NAA16: variants seen among roughly 807,000 people sequenced by gnomAD.
NAA16 encodes the protein NARG1-like protein.
Under a neutral mutation model 110.3 loss-of-function variants are expected in NAA16, and 97 were observed. The observed-to-expected ratio is 0.88, with a 90% CI of 0.75 to 1.04. The LOEUF (loss-of-function observed/expected upper bound fraction) is 1.04, where lower values mean the gene tolerates loss of function less well. NAA16 is among the 50% of genes least tolerant of loss of function. The pLI, the probability that NAA16 is intolerant of heterozygous loss-of-function variation, is 0.00. For synonymous variants in NAA16, 372 were observed against 330.6 expected (o/e 1.13, Z -1.36); for missense variants, 1,017 against 1,005.1 (o/e 1.01, Z -0.16).
intron 9 of NAA16, among the ~76,000 whole-genome samples, chr13:41,352,090 C>G (rs2042850793): frequency 6.6e-6 from 1 of 152,108 alleles, no homozygotes; most frequent in East Asian, 1.9e-4. Context: ...GCGTGTAATC[C>G]TAGCACTTTA....
intron 6 of NAA16, among the ~76,000 whole-genome samples, chr13:41,326,441 C>G (rs1029339062): frequency 5.9e-5 from 9 of 152,162 alleles, no homozygotes; most frequent in African/African-American, 2.2e-4. Flanking sequence ...ATTGTAGAAC[C>G]TCTGAAGTCT....
Position 41,375,753 on chromosome 13 carries a change from G to A in NAA16, c.*151G>A, listed in dbSNP as rs561939639. ...TGTAAGCTTATTTTGTTCTTTACCC[G>A]ACCTGCCAATTTACATAACCATCTG... On this transcript the variant is annotated 3_prime_UTR_variant, in exon 20 of 20. Transcript: ENST00000379406. 2.4e-4 allele frequency: 138 copies of A among 564,114 alleles called. No homozygotes were observed. The highest frequency in any genetic ancestry group is 3.8e-4 in the Non-Finnish European group (128 of 335,110). The allele number at this position is 564,114 out of a possible 1,614,324, so 34.9% of individuals were successfully genotyped here. A position where few individuals can be genotyped will look rare whatever the true frequency, so the allele number is the denominator to read the frequency against.
chr13:41,312,781 G>A (rs936941598), intron 1 of NAA16, among the ~76,000 whole-genome samples: 3 of 152,098 alleles, frequency 2.0e-5, no homozygotes, highest in Non-Finnish European at 4.4e-5. Context: ...ATACATAGTA[G>A]ATGGGATAAA....
In NAA16 at chr13:41,311,450, C is replaced by T. The variant is rs1220986768; in HGVS notation, c.-79C>T. 9.2e-6 allele frequency: 13 copies of T among 1,409,674 alleles called. No homozygotes were observed. Among genetic ancestry groups the T allele is most frequent in the African/African-American group, 4.3e-5 (3 of 70,236 alleles). The allele number at this position is 1,409,674 out of a possible 1,614,324, so 87.3% of individuals were successfully genotyped here. A position where few individuals can be genotyped will look rare whatever the true frequency, so the allele number is the denominator to read the frequency against. ...AGCCCGACTCTCAGCAGCGGTTCGT[C>T]CCGGTGCCCACCCCCGCGAAGCGGA... On this transcript the variant is annotated 5_prime_UTR_variant, in exon 1 of 20. Coordinates refer to ENST00000379406, the MANE Select transcript of NAA16 (RefSeq NM_024561.5).
Position 41,375,567 on chromosome 13 carries a change from A to G in NAA16, c.2560A>G (p.Thr854Ala), listed in dbSNP as rs756187879. Reference protein sequence around the residue: ...VDNPNVALNHTANYDVLANEI With the variant: ...VDNPNVALNHAANYDVLANEI ...CAATCCTAATGTGGCACTGAACCAT[A>G]CAGCTAATTATGATGTCTTGGCAAA... The change falls in exon 20 of 20, where the codon ACA (threonine) becomes GCA (alanine). Residue 854 changes from threonine to alanine, a missense_variant. Thr to Ala is a moderately conservative substitution (Grantham distance 58). Transcript: ENST00000379406. The G allele has an allele frequency of 1.7e-5, 27 of 1,613,768 alleles. No individual in the cohort carries two copies. Among genetic ancestry groups the G allele is most frequent in the Non-Finnish European group, 2.3e-5 (27 of 1,179,868 alleles).
At chr13:41,317,150 C>A (rs761994216) in intron 2 of NAA16, among the ~76,000 whole-genome samples, 10 of 151,880 alleles carry the variant, frequency 6.6e-5, no homozygotes, top group Non-Finnish European at 1.5e-4. Flanking sequence ...GTTCGTTTAT[C>A]TATTGGGGAA....
At chr13:41,326,431 A>G (rs2042095370) in intron 6 of NAA16, among the ~76,000 whole-genome samples, 1 of 152,192 alleles carries the variant, frequency 6.6e-6, no homozygotes, top group Non-Finnish European at 1.5e-5. Flanking sequence ...GTTCCATACA[A>G]TTGTAGAACC....
In NAA16 at chr13:41,354,054, A is replaced by C. The variant is rs75891407; in HGVS notation, c.1015-1090A>C. ...TTTAGTGAAGTCATAGTATGTGTAA[A>C]TTTTTTTCACATTCTGCTTTTTCTC... On this transcript the variant is annotated intron_variant, in intron 9 of 19. Transcript: ENST00000379406. Among the ~76,000 whole-genome samples the C allele has an allele frequency of 1.1e-4, 17 of 152,172 alleles. No individual in the cohort carries two copies. The East Asian group carries it at 3.3e-3, about 29-fold the overall frequency.
intron 14 of NAA16, among the ~76,000 whole-genome samples, chr13:41,367,857 A>G (rs2043238165): frequency 6.6e-6 from 1 of 152,216 alleles, no homozygotes; most frequent in East Asian, 1.9e-4. Context: ...GTTCTAAATT[A>G]CTTTAATGGA....
chr13:41,318,286 A>G (rs981936828), intron 2 of NAA16, among the ~76,000 whole-genome samples: 2 of 151,620 alleles, frequency 1.3e-5, no homozygotes, highest in African/African-American at 4.9e-5. Flanking sequence ...GCTCACTGCA[A>G]CCTCTGCCTC....
At chr13:41,333,359 A>G (rs370946502) in intron 8 of NAA16, among the ~76,000 whole-genome samples, 54 of 152,236 alleles carry the variant, frequency 3.5e-4, no homozygotes, top group African/African-American at 1.2e-3. Flanking sequence ...TGCAACCATC[A>G]TCTCTGTCTG....
chr13:41,355,994 T>C (rs1026823210), intron 10 of NAA16, among the ~76,000 whole-genome samples: 2 of 151,796 alleles, frequency 1.3e-5, no homozygotes, highest in African/African-American at 2.4e-5. Flanking sequence ...TATGTGTCTC[T>C]TACATGTCAT....
intron 3 of NAA16, among the ~76,000 whole-genome samples, chr13:41,319,595 C>T (rs1165854404): frequency 1.3e-5 from 2 of 152,142 alleles, no homozygotes; most frequent in African/African-American, 4.8e-5. Context: ...AGGCTTACTG[C>T]AACCTCCACC....
intron 5 of NAA16, among the ~76,000 whole-genome samples, chr13:41,325,144 CG>C (rs1236570251): frequency 6.6e-6 from 1 of 151,700 alleles, no homozygotes; most frequent in African/African-American, 2.4e-5. Flanking sequence ...TTAGTAGAGA[CG>C]GGGTTTCACC....
At chr13:41,351,923 A>T (rs958229296) in intron 9 of NAA16, among the ~76,000 whole-genome samples, 5 of 152,342 alleles carry the variant, frequency 3.3e-5, no homozygotes, top group African/African-American at 1.2e-4. Flanking sequence ...GTCATATTAC[A>T]CACTACCTAA....
chr13:41,343,812 A>T (rs1455394136), intron 9 of NAA16, among the ~76,000 whole-genome samples: 2 of 152,138 alleles, frequency 1.3e-5, no homozygotes, highest in Non-Finnish European at 2.9e-5. Flanking sequence ...AAGTGCTAGG[A>T]TTACAGGCGT....
intron 9 of NAA16, among the ~76,000 whole-genome samples, chr13:41,348,694 G>GA (rs2042749090): frequency 6.6e-6 from 1 of 151,900 alleles, no homozygotes; most frequent in East Asian, 1.9e-4. Context: ...TTTTGGGGGG[G>GA]CGGGAAGAGT....
At chr13:41,362,193 T>C in intron 13 of NAA16, 34 bp downstream of exon 13, 2 of 1,568,642 alleles carry the variant, frequency 1.3e-6, no homozygotes, top group Non-Finnish European at 1.7e-6. Context: ...CAGTTTTCAC[T>C]GTAAGGTGAT....
chr13:41,320,885 A>G, intron 4 of NAA16, 61 bp downstream of exon 4: 7 of 1,462,236 alleles, frequency 4.8e-6, no homozygotes, highest in Non-Finnish European at 6.4e-6. Flanking sequence ...AGAGCGTGTC[A>G]TTTCAGAATG....
Sources: allele counts gnomAD v4.1 joint callset (sites outside exome capture counted in the v4.1 genomes callset), GRCh38; gene constraint gnomAD v4.1.1; transcripts MANE v1.5; gene names NCBI Gene and HGNC (gene_info 2026-07-23, HGNC 2026-07-21).